SYCE1: variants seen among roughly 807,000 people sequenced by gnomAD.
SYCE1 encodes the protein synaptonemal complex central element protein 1, also known as cancer/testis antigen 76.
In SYCE1, 37 loss-of-function variants were observed where a neutral mutation model predicts 55.1. The ratio of observed to expected loss-of-function variants is 0.67; its 90% CI spans 0.52 to 0.88. The LOEUF is 0.88. SYCE1 is among the 40% of genes least tolerant of loss of function. The probability of loss-of-function intolerance (pLI) is 0.00; values close to 1 mark genes in which losing one functional copy is unlikely to be tolerated. For missense variants in SYCE1, 399 were observed against 416.4 expected (o/e 0.96, Z 0.36); for synonymous variants, 163 against 159.4 (o/e 1.02, Z -0.17).
intron 8 of SYCE1, 110 bp from the exon 9 acceptor site, chr10:133,556,157 A>C: frequency 1.6e-6 from 2 of 1,268,214 alleles, no homozygotes; most frequent in Non-Finnish European, 2.2e-6. Flanking sequence ...ACTTCCAACA[A>C]CTCTGCCCCT....
upstream of SYCE1, among the ~76,000 whole-genome samples, chr10:133,567,069 A>G (rs1354804920): frequency 6.7e-6 from 1 of 149,914 alleles, no homozygotes; most frequent in African/African-American, 2.5e-5. Flanking sequence ...TTTGGGTGTT[A>G]GGTTTATGGC....
At chr10:133,554,596 T>C, downstream of SYCE1, 1 of 688,308 alleles carries the variant, frequency 1.5e-6, no homozygotes. Flanking sequence ...GACTACCATA[T>C]GGAACCGACT....
At chr10:133,565,650 T>A, upstream of SYCE1, 1 of 938,574 alleles carries the variant, frequency 1.1e-6, no homozygotes, top group East Asian at 3.0e-5. Flanking sequence ...TGCGCGCGCC[T>A]GGAGATGTGA....
At chr10:133,556,210 G>GA in intron 8 of SYCE1, 163 bp from the exon 9 acceptor site, 1 of 721,882 alleles carries the variant, frequency 1.4e-6, no homozygotes, top group Non-Finnish European at 2.3e-6. Flanking sequence ...CCATGGCACT[G>GA]GCCATTCCCT....
upstream of SYCE1, among the ~76,000 whole-genome samples, chr10:133,565,923 A>G (rs1851924445): frequency 6.6e-6 from 1 of 152,324 alleles, no homozygotes; most frequent in South Asian, 2.1e-4. Context: ...ACGACTCCAC[A>G]AGGCGCTGTG....
At chr10:133,567,822 A>G, upstream of SYCE1, 1 of 369,748 alleles carries the variant, frequency 2.7e-6, no homozygotes, top group Non-Finnish European at 5.4e-6. Flanking sequence ...TTTTTGGCTG[A>G]GGGGACCCTA....
intron 11 of SYCE1, 32 bp from the exon 12 acceptor site, chr10:133,555,470 AGAG>A: frequency 6.2e-7 from 1 of 1,613,308 alleles, no homozygotes. Context: ...GGGGGAAGGA[AGAG>A]GAGGAAAGGG....
At chr10:133,558,983 G>A in intron 3 of SYCE1, 32 bp from the exon 4 acceptor site, 1 of 1,592,442 alleles carries the variant, frequency 6.3e-7, no homozygotes, top group Non-Finnish European at 8.6e-7. Flanking sequence ...CATTGTGTGA[G>A]TGCAGCCTCT....
chr10:133,566,362 C>G (rs920525614), upstream of SYCE1, among the ~76,000 whole-genome samples: 4 of 152,202 alleles, frequency 2.6e-5, no homozygotes, highest in African/African-American at 9.7e-5. Context: ...GAATCCTAAC[C>G]TATAAAAGGT....
At chr10:133,567,568 C>T (rs976115800), upstream of SYCE1, among the ~76,000 whole-genome samples, 1 of 151,996 alleles carries the variant, frequency 6.6e-6, no homozygotes, top group African/African-American at 2.4e-5. Context: ...TAACGTTTTC[C>T]CCTTACTTCC....
chr10:133,558,237 G>C (rs1376014594), intron 4 of SYCE1, 23 bp from the exon 5 acceptor site: 1 of 1,613,828 alleles, frequency 6.2e-7, no homozygotes, highest in Admixed American at 1.7e-5. Context: ...GACACATTTT[G>C]GCATCAGGGA....
At chr10:133,562,820 G>C (rs1039192371) in intron 1 of SYCE1, among the ~76,000 whole-genome samples, 9 of 152,198 alleles carry the variant, frequency 5.9e-5, no homozygotes, top group Admixed American at 3.3e-4. Context: ...TCTTCCCAGA[G>C]CTCAGAGATC....
chr10:133,554,707 TCA>T (rs762214215), downstream of SYCE1: 24 of 817,812 alleles, frequency 2.9e-5, no homozygotes, highest in African/African-American at 3.6e-4. Flanking sequence ...GAAGAAATAA[TCA>T]CAAGGTATGT....
intron 1 of SYCE1, among the ~76,000 whole-genome samples, chr10:133,562,607 C>CT (rs199743972): frequency 1.3e-5 from 2 of 152,122 alleles, no homozygotes; most frequent in East Asian, 1.9e-4. Flanking sequence ...AGCTCCTAAA[C>CT]TGTTTGCTTT....
intron 6 of SYCE1, chr10:133,557,470 G>A: frequency 4.0e-6 from 2 of 496,708 alleles, no homozygotes; most frequent in Non-Finnish European, 7.2e-6. Flanking sequence ...GCTAAATCAG[G>A]AGGTGGAGAA....
intron 1 of SYCE1, chr10:133,560,794 A>G (rs983826316): frequency 1.3e-5 from 2 of 152,192 alleles, no homozygotes; most frequent in African/African-American, 4.8e-5. Flanking sequence ...AAATAAATCA[A>G]TTCAAAGTCA....
Position 133,558,030 on chromosome 10 carries a change from T to C in SYCE1, c.320-112A>G, listed in dbSNP as rs1851730774. On this transcript the variant is annotated intron_variant, in intron 5 of 12. Transcript: ENST00000343131. The stretch of plus-strand genomic sequence containing the variant: ...GTGGACACCTGATTGAGCTTTAACA[T>C]TTACTACATGTCTGGTGGAAGCCAC... 3 of 1,525,682 alleles carry C rather than the reference T, an allele frequency of 2.0e-6. No individual in the cohort carries two copies. In the East Asian group the frequency reaches 6.8e-5, roughly 35 times the overall value. 94.5% of individuals were successfully genotyped at this position (1,525,682 alleles called of 1,614,324 possible). A position where few individuals can be genotyped will look rare whatever the true frequency, so the allele number is the denominator to read the frequency against.
At chr10:133,558,699 G>C in intron 4 of SYCE1, 178 bp downstream of exon 4, 1 of 637,114 alleles carries the variant, frequency 1.6e-6, no homozygotes, top group South Asian at 2.0e-5. Flanking sequence ...GAATGAGGTT[G>C]GAGGGTGTTT....
At chr10:133,562,926 A>T (rs1049316828) in intron 1 of SYCE1, among the ~76,000 whole-genome samples, 6 of 151,898 alleles carry the variant, frequency 4.0e-5, no homozygotes, top group Non-Finnish European at 8.8e-5. Context: ...GGGGATTACA[A>T]TTCAACATAT....
Sources: allele counts gnomAD v4.1 joint callset (sites outside exome capture counted in the v4.1 genomes callset), GRCh38; gene constraint gnomAD v4.1.1; transcripts MANE v1.5; gene names NCBI Gene and HGNC (gene_info 2026-07-23, HGNC 2026-07-21).